GPC5: variants seen among roughly 807,000 people sequenced by gnomAD.
The protein encoded by GPC5 is glypican 5.
Under a neutral mutation model 53.9 loss-of-function variants are expected in GPC5, and 47 were observed. That is an observed-to-expected ratio of 0.87 (90% confidence interval 0.69 to 1.11). The LOEUF is 1.11. Ranked by LOEUF, GPC5 falls within the 50% of genes most tolerant of loss-of-function variation. The pLI is 0.00. For synonymous variants in GPC5, 286 were observed against 263.3 expected, an observed-to-expected ratio of 1.09 and a Z score of -0.84; for missense variants, 748 against 713.1, an observed-to-expected ratio of 1.05 and a Z score of -0.56.
At chr13:91,972,840 T>G (rs2040257426) in intron 6 of GPC5, among the ~76,000 whole-genome samples, 1 of 152,230 alleles carries the variant, frequency 6.6e-6, no homozygotes, top group Non-Finnish European at 1.5e-5. Context: ...AGATCCACTG[T>G]TAGTCTGATG....
At chr13:91,660,653 G>C (rs2034966100) in intron 2 of GPC5, among the ~76,000 whole-genome samples, 2 of 152,186 alleles carry the variant, frequency 1.3e-5, no homozygotes, top group South Asian at 4.1e-4. Context: ...AGATGGGAAG[G>C]ATATGGTCTT....
At chr13:91,487,373 C>T (rs997575119) in intron 2 of GPC5, among the ~76,000 whole-genome samples, 5 of 152,070 alleles carry the variant, frequency 3.3e-5, no homozygotes, top group East Asian at 1.9e-4. Context: ...AATTTCAATG[C>T]GCCTCAGAGA....
At chr13:92,651,001 G>A (rs1244231055) in intron 7 of GPC5, among the ~76,000 whole-genome samples, 3 of 151,976 alleles carry the variant, frequency 2.0e-5, no homozygotes, top group Non-Finnish European at 4.4e-5. Context: ...AACATGTGGT[G>A]TTTGGTTTTC....
intron 5 of GPC5, among the ~76,000 whole-genome samples, chr13:91,804,860 G>T (rs1418572654): frequency 6.6e-6 from 1 of 152,226 alleles, no homozygotes; most frequent in Non-Finnish European, 1.5e-5. Context: ...TCAGGCAGCT[G>T]AAGGGAAGGA....
chr13:92,698,217 C>A (rs1470180143), intron 7 of GPC5, among the ~76,000 whole-genome samples: 1 of 151,818 alleles, frequency 6.6e-6, no homozygotes, highest in Non-Finnish European at 1.5e-5. Context: ...GCACAACGTG[C>A]ACGTTAGTTA....
intron 6 of GPC5, among the ~76,000 whole-genome samples, chr13:92,051,272 G>C (rs1309464772): frequency 1.4e-5 from 2 of 145,686 alleles, no homozygotes; most frequent in African/African-American, 5.1e-5. Context: ...CACCATCTCG[G>C]CTCACTGCAA....
intron 5 of GPC5, among the ~76,000 whole-genome samples, chr13:91,775,316 G>A (rs1296066508): frequency 6.6e-6 from 1 of 151,916 alleles, no homozygotes; most frequent in African/African-American, 2.4e-5. Context: ...CTATTTCTTG[G>A]ACTGGTGTCT....
rs1292006533 is a variant in GPC5, at chr13:92,259,525, G to A, written c.1561+114536G>A. On this transcript the variant is annotated intron_variant, in intron 7 of 7. Coordinates refer to ENST00000377067, the MANE Select transcript of GPC5 (RefSeq NM_004466.6). The stretch of plus-strand genomic sequence containing the variant: ...TCAGTTGAGTCAAGAGGAAAATACA[G>A]ATTTGATTCTTTGAATAGTCTACCC... Among the ~76,000 whole-genome samples, 5 of 152,246 alleles carry A rather than the reference G, an allele frequency of 3.3e-5. No homozygotes were observed. In the South Asian group the frequency reaches 1.0e-3, roughly 32 times the overall value.
intron 7 of GPC5, among the ~76,000 whole-genome samples, chr13:92,416,557 A>C (rs1371720762): frequency 6.6e-6 from 1 of 152,242 alleles, no homozygotes; most frequent in Admixed American, 6.5e-5. Flanking sequence ...ATCACACCAT[A>C]TACGAAAAAT....
chr13:91,584,411 T>C (rs905000834), intron 2 of GPC5, among the ~76,000 whole-genome samples: 2 of 152,118 alleles, frequency 1.3e-5, no homozygotes, highest in African/African-American at 4.8e-5. Flanking sequence ...ATAAAACTTA[T>C]CTCTAGAACA....
chr13:91,678,878 A>C (rs1027166679), intron 2 of GPC5, among the ~76,000 whole-genome samples: 3 of 152,146 alleles, frequency 2.0e-5, no homozygotes, highest in African/African-American at 7.2e-5. Flanking sequence ...ACTTAACAAA[A>C]TGTCTTTTCT....
At chr13:91,786,790 G>A (rs2037886356) in intron 5 of GPC5, among the ~76,000 whole-genome samples, 1 of 152,098 alleles carries the variant, frequency 6.6e-6, no homozygotes, top group East Asian at 1.9e-4. Flanking sequence ...CTGTTGCTTG[G>A]GGGAGAACTG....
chr13:91,692,148 A>T (rs1000232158), intron 2 of GPC5, among the ~76,000 whole-genome samples: 3 of 152,152 alleles, frequency 2.0e-5, no homozygotes, highest in Non-Finnish European at 2.9e-5. Context: ...TTGACTTGAG[A>T]TCATCAGTTA....
chr13:92,629,913 G>T (rs951973828), intron 7 of GPC5, among the ~76,000 whole-genome samples: 5 of 152,152 alleles, frequency 3.3e-5, no homozygotes, highest in African/African-American at 1.2e-4. Flanking sequence ...TTGATGACAG[G>T]TCCTAAAGGA....
chr13:91,625,535 G>T (rs144788571), intron 2 of GPC5, among the ~76,000 whole-genome samples: 2 of 152,056 alleles, frequency 1.3e-5, no homozygotes, highest in Admixed American at 1.3e-4. Flanking sequence ...GAGAGTGGAA[G>T]AAGGGAGATG....
chr13:92,615,336 T>C (rs1250773029), intron 7 of GPC5, among the ~76,000 whole-genome samples: 3 of 152,194 alleles, frequency 2.0e-5, no homozygotes, highest in Non-Finnish European at 2.9e-5. Flanking sequence ...ATCAAATGTG[T>C]TAATCACTTA....
chr13:92,663,136 C>G (rs960889682), intron 7 of GPC5, among the ~76,000 whole-genome samples: 1 of 152,094 alleles, frequency 6.6e-6, no homozygotes, highest in Non-Finnish European at 1.5e-5. Context: ...AAACACCTAC[C>G]TCAGGTGAGG....
intron 6 of GPC5, among the ~76,000 whole-genome samples, chr13:92,029,863 C>T (rs1169084383): frequency 6.6e-6 from 1 of 152,132 alleles, no homozygotes; most frequent in Non-Finnish European, 1.5e-5. Context: ...GTCTCCTTCA[C>T]ATTAAATATC....
At chr13:91,639,808 C>G (rs556531771) in intron 2 of GPC5, among the ~76,000 whole-genome samples, 1 of 152,148 alleles carries the variant, frequency 6.6e-6, no homozygotes, top group African/African-American at 2.4e-5. Context: ...TCTTCACAAG[C>G]ATTATTTGAT....
Sources: gnomAD v4.1 joint callset for allele counts (sites outside exome capture counted in the v4.1 genomes callset) on GRCh38, gnomAD v4.1.1 for gene constraint, MANE v1.5 for transcripts, NCBI Gene and HGNC (gene_info 2026-07-23, HGNC 2026-07-21) for gene names.